PCLO: variants seen among roughly 807,000 people sequenced by gnomAD.
The protein encoded by PCLO is protein piccolo.
Under a neutral mutation model 427.5 loss-of-function variants are expected in PCLO, and 82 were observed. The ratio of observed to expected loss-of-function variants is 0.19; its 90% CI spans 0.16 to 0.23. The LOEUF (loss-of-function observed/expected upper bound fraction) is 0.23. Ranked by LOEUF, PCLO falls within the 10% of genes least tolerant of loss-of-function variation. PCLO has a pLI of 1.00. For synonymous variants in PCLO, 2,357 were observed against 2,155.4 expected (o/e 1.09, Z -2.59); for missense variants, 6,239 against 6,115.9 (o/e 1.02, Z -0.67).
At chr7:82,892,178 A>C (rs185525635) in intron 9 of PCLO, among the ~76,000 whole-genome samples, 1 of 152,150 alleles carries the variant, frequency 6.6e-6, no homozygotes, top group Non-Finnish European at 1.5e-5. Flanking sequence ...TTCAAACTAT[A>C]CTACAAGGCT....
At chr7:82,990,323 C>G (rs1195444923) in intron 3 of PCLO, among the ~76,000 whole-genome samples, 1 of 152,094 alleles carries the variant, frequency 6.6e-6, no homozygotes, top group African/African-American at 2.4e-5. Flanking sequence ...GGATGGCTTA[C>G]TAAAATGTGT....
rs554399303 is a variant in PCLO at position 82,754,914 on chromosome 7, T to A, written c.*3661A>T. The A allele has an allele frequency of 6.6e-6, 1 of 152,220 alleles. No individual in the cohort carries two copies. Among genetic ancestry groups the A allele is most frequent in the East Asian group, 1.9e-4 (1 of 5,196 alleles). The allele number at this position is 152,220 out of a possible 1,614,324, so 9.4% of individuals were successfully genotyped here. On this transcript the variant is annotated 3_prime_UTR_variant, in exon 25 of 25. Coordinates refer to ENST00000333891, the MANE Select transcript of PCLO (RefSeq NM_033026.6). Reference sequence around the variant, plus strand: ...TTGGCTGATTTTGGAATATTTGACATTGTAGCAATGAAAATAAGTTTTTAA... The same window carrying A: ...TTGGCTGATTTTGGAATATTTGACAATGTAGCAATGAAAATAAGTTTTTAA...
In PCLO at chr7:82,946,885, T is replaced by C. The variant is rs138831019; in HGVS notation, c.11112+2591A>G. ...GAACTGATGGCAGTAAGGGCAAGTG[T>C]AGAAGGAGCCTAAGGGCTGTGCACA... On this transcript the variant is annotated intron_variant, in intron 6 of 24. Transcript: ENST00000333891. Among the ~76,000 whole-genome samples the C allele has an allele frequency of 2.7e-3, 408 of 152,258 alleles. 1 individual carries two copies. Among genetic ancestry groups the C allele is most frequent in the African/African-American group, 9.2e-3 (383 of 41,542 alleles).
At position 83,005,307 on chromosome 7, in the gene PCLO, A is replaced by C. The variant is rs555317731; in HGVS notation, c.3301-38820T>G. Among the ~76,000 whole-genome samples, 3 of 151,800 alleles carry C rather than the reference A, an allele frequency of 2.0e-5. No homozygotes were observed. The East Asian group carries it at 5.8e-4, about 29-fold the overall frequency. ...AAAAGACATTATGCTAAGTGTAATA[A>C]GACAGAAACAGGATGAAAAATACTG... is the stretch of plus-strand genomic sequence containing the variant. On this transcript the variant is annotated intron_variant, in intron 3 of 24. Coordinates refer to ENST00000333891, the MANE Select transcript of PCLO (RefSeq NM_033026.6).
intron 21 of PCLO, among the ~76,000 whole-genome samples, chr7:82,803,244 C>A (rs1791395748): frequency 6.6e-6 from 1 of 151,920 alleles, no homozygotes; most frequent in Non-Finnish European, 1.5e-5. Context: ...TAGAGTGAAC[C>A]AAAACATACC....
At chr7:83,121,329 TAGA>T (rs1180038863) in intron 3 of PCLO, among the ~76,000 whole-genome samples, 1 of 152,076 alleles carries the variant, frequency 6.6e-6, no homozygotes, top group Non-Finnish European at 1.5e-5. Flanking sequence ...TAATCGGTAA[TAGA>T]AGGTTATTTG....
At chr7:82,857,659 C>T (rs1022749233) in intron 10 of PCLO, among the ~76,000 whole-genome samples, 3 of 151,952 alleles carry the variant, frequency 2.0e-5, no homozygotes, top group Non-Finnish European at 4.4e-5. Flanking sequence ...GCATAGATTA[C>T]TGAGGTATAA....
intron 3 of PCLO, among the ~76,000 whole-genome samples, chr7:83,069,402 T>C (rs1241925907): frequency 6.6e-6 from 1 of 152,200 alleles, no homozygotes; most frequent in African/African-American, 2.4e-5. Flanking sequence ...AATTTGATTG[T>C]GGTAATAATT....
chr7:82,853,061 T>A (rs1792705355), intron 10 of PCLO, among the ~76,000 whole-genome samples: 1 of 152,166 alleles, frequency 6.6e-6, no homozygotes, highest in East Asian at 1.9e-4. Flanking sequence ...TCATTCCTTT[T>A]TATGGCTGAA....
chr7:83,126,024 T>C (rs1192143432), intron 3 of PCLO, among the ~76,000 whole-genome samples: 1 of 152,216 alleles, frequency 6.6e-6, no homozygotes, highest in Admixed American at 6.5e-5. Context: ...GGTACATATA[T>C]AGCATGGAAT....
intron 18 of PCLO, among the ~76,000 whole-genome samples, chr7:82,826,050 T>C (rs1791935797): frequency 6.6e-6 from 1 of 151,216 alleles, no homozygotes; most frequent in Non-Finnish European, 1.5e-5. Flanking sequence ...AGTAAGTGTA[T>C]ATATTTATGG....
At chr7:82,884,852 T>C (rs1267242916) in intron 9 of PCLO, among the ~76,000 whole-genome samples, 1 of 152,052 alleles carries the variant, frequency 6.6e-6, no homozygotes, top group Non-Finnish European at 1.5e-5. Context: ...TCTACGATGA[T>C]GGAAATAAAA....
At position 82,954,138 on chromosome 7, in the gene PCLO, G is replaced by A. The variant is rs1795443788; in HGVS notation, c.6815C>T (p.Ser2272Phe). The stretch of plus-strand genomic sequence containing the variant: ...TTTAGGTACTACAGATTCTATGATA[G>A]AAGATGCCATATCAGATAAGGAAAT... Reference protein sequence around the residue: ...IVISLSDMASSIIESVVPKPE... With the variant: ...IVISLSDMASFIIESVVPKPE... The change falls in exon 5 of 25, where the codon TCT becomes TTT. Residue 2272 changes from serine (S) to phenylalanine (F), a missense_variant. Coordinates refer to ENST00000333891, the MANE Select transcript of PCLO (RefSeq NM_033026.6). 6.2e-7 allele frequency: 1 copy of A among 1,613,902 alleles called. No homozygotes were observed. The highest frequency in any genetic ancestry group is 2.2e-5 in the East Asian group (1 of 44,868).
Position 82,953,785 on chromosome 7 carries a change from G to A in PCLO, c.7168C>T (p.Pro2390Ser). 6.3e-7 allele frequency: 1 copy of A among 1,588,836 alleles called. No individual in the cohort carries two copies. The highest frequency in any genetic ancestry group is 8.6e-7 in the Non-Finnish European group (1 of 1,166,634). ...SPSVSSLPAK[P>S]RPFFRSSSLD... is the part of the protein sequence containing the mutation. ...GAAGAACTTCTAAAGAATGGGCGAG[G>A]TTTAGCTGGAAGAGAGGAAACAGAA... The change falls in exon 5 of 25, where the codon CCT (proline) becomes TCT (serine). Residue 2390 changes from proline (P) to serine (S), a missense_variant. This residue lies in a region of PCLO where 4,677 missense variants were observed against 4,468.4 expected (regional missense o/e 1.05). Coordinates refer to ENST00000333891, the MANE Select transcript of PCLO (RefSeq NM_033026.6).
intron 10 of PCLO, among the ~76,000 whole-genome samples, chr7:82,873,740 G>C (rs1368700185): frequency 6.6e-6 from 1 of 151,984 alleles, no homozygotes; most frequent in African/African-American, 2.4e-5. Context: ...TGGATCTTCT[G>C]GACTAAAGAA....
intron 22 of PCLO, among the ~76,000 whole-genome samples, chr7:82,787,779 T>C (rs1429525404): frequency 6.6e-6 from 1 of 152,052 alleles, no homozygotes; most frequent in Non-Finnish European, 1.5e-5. Flanking sequence ...ACCCTGTAAA[T>C]TGGCTGAGGA....
At chr7:83,097,148 ATATAT>A (rs1244178402) in intron 3 of PCLO, among the ~76,000 whole-genome samples, 2 of 94,044 alleles carry the variant, frequency 2.1e-5, no homozygotes, top group Non-Finnish European at 4.0e-5. Context: ...CATTATATAA[ATATAT>A]TATACATTAT....
At chr7:82,949,400 A>T in intron 6 of PCLO, 76 bp downstream of exon 6, 2 of 1,103,554 alleles carry the variant, frequency 1.8e-6, no homozygotes, top group Non-Finnish European at 2.6e-6. Context: ...CAGGAGCCTG[A>T]TCGCCTCCTA....
intron 3 of PCLO, among the ~76,000 whole-genome samples, chr7:83,046,778 GA>G (rs1789113361): frequency 6.6e-6 from 1 of 151,870 alleles, no homozygotes; most frequent in Non-Finnish European, 1.5e-5. Context: ...TTCCATGTCT[GA>G]AAAATCAATT....
Sources: gnomAD v4.1 joint callset for allele counts (sites outside exome capture counted in the v4.1 genomes callset) on GRCh38, gnomAD v4.1.1 for gene constraint, gnomAD v4.1.1 regional missense constraint, MANE v1.5 for transcripts, NCBI Gene and HGNC (gene_info 2026-07-23, HGNC 2026-07-21) for gene names.